CIMIP2A: variants seen among roughly 807,000 people sequenced by gnomAD.
The protein encoded by CIMIP2A is family with sequence similarity 166 member A.
the CIMIP2A span, chr9:137,252,897 T>G: frequency 2.5e-6 from 4 of 1,597,270 alleles, no homozygotes; most frequent in Non-Finnish European, 3.4e-6. Flanking sequence ...GGGAGCCGCC[T>G]GCAGAGCCCC....
chr9:137,249,763 A>C, the CIMIP2A span, among the ~76,000 whole-genome samples: 5 of 152,092 alleles, frequency 3.3e-5, no homozygotes, highest in East Asian at 1.9e-4. Context: ...TGGAAGCGCC[A>C]GCCCCTCCCC....
chr9:137,244,662 C>T, the CIMIP2A span: 1 of 1,613,916 alleles, frequency 6.2e-7, no homozygotes, highest in Non-Finnish European at 8.5e-7. Context: ...TCGAATTCGT[C>T]CATGGCTTGC....
chr9:137,253,321 C>T, the CIMIP2A span: 1 of 1,552,994 alleles, frequency 6.4e-7, no homozygotes, highest in Non-Finnish European at 8.7e-7. Context: ...CCCAGGCCTC[C>T]CCTGGGACTT....
the CIMIP2A span, chr9:137,253,015 A>C: frequency 7.3e-7 from 1 of 1,367,216 alleles, no homozygotes; most frequent in Non-Finnish European, 1.0e-6. Flanking sequence ...TGGGTGGGCA[A>C]TGTGAGGACA....
At chr9:137,247,753 C>T in the CIMIP2A span, 2 of 1,602,590 alleles carry the variant, frequency 1.2e-6, no homozygotes, top group Non-Finnish European at 8.5e-7. Context: ...CCAGTCCCTC[C>T]CGGCATCCAG....
At chr9:137,252,650 A>T in the CIMIP2A span, 1 of 1,535,126 alleles carries the variant, frequency 6.5e-7, no homozygotes, top group East Asian at 2.5e-5. Flanking sequence ...CCCGTCTCCT[A>T]CCCCCTCGCA....
chr9:137,244,925 G>A, the CIMIP2A span: 95 of 1,598,368 alleles, frequency 5.9e-5, no homozygotes, highest in South Asian at 1.0e-3. Flanking sequence ...GAAAAGCTGG[G>A]CTCCTGGAAG....
the CIMIP2A span, chr9:137,252,007 A>G: frequency 9.9e-6 from 16 of 1,611,020 alleles, no homozygotes; most frequent in Non-Finnish European, 1.4e-5. Context: ...CCAGTGCTGG[A>G]GCAACGCCCC....
At chr9:137,244,894 C>T in the CIMIP2A span, 3 of 1,577,566 alleles carry the variant, frequency 1.9e-6, no homozygotes, top group East Asian at 2.3e-5. Context: ...AACAGGCAGG[C>T]AAGGCACCGC....
the CIMIP2A span, among the ~76,000 whole-genome samples, chr9:137,255,008 G>A: frequency 2.6e-5 from 4 of 152,208 alleles, no homozygotes; most frequent in African/African-American, 9.6e-5. Flanking sequence ...CCGGCAAAAC[G>A]TCCCCGCTGC....
the CIMIP2A span, chr9:137,253,205 G>A: frequency 1.2e-6 from 2 of 1,608,998 alleles, no homozygotes; most frequent in Non-Finnish European, 1.7e-6. Context: ...GGTGTACGCA[G>A]ACCCAAGCGC....
At chr9:137,254,496 T>C in the CIMIP2A span, among the ~76,000 whole-genome samples, 1 of 152,176 alleles carries the variant, frequency 6.6e-6, no homozygotes, top group Admixed American at 6.5e-5. Flanking sequence ...CTCCTCCAGC[T>C]GGGCTGAGGA....
chr9:137,243,780 C>G, the CIMIP2A span: 11 of 1,614,006 alleles, frequency 6.8e-6, no homozygotes, highest in Non-Finnish European at 9.3e-6. Flanking sequence ...GCGTAGTTGT[C>G]CTGCATGGCT....
At chr9:137,253,214 G>A in the CIMIP2A span, 23 of 1,608,330 alleles carry the variant, frequency 1.4e-5, no homozygotes, top group South Asian at 1.1e-4. Context: ...AGACCCAAGC[G>A]CCACGACACA....
the CIMIP2A span, chr9:137,245,399 T>G: frequency 7.5e-5 from 121 of 1,613,554 alleles, no homozygotes; most frequent in Admixed American, 1.8e-4. Context: ...GAGTCTCCCT[T>G]CCTGCCTGGT....
the CIMIP2A span, chr9:137,253,446 A>G: frequency 7.0e-7 from 1 of 1,438,796 alleles, no homozygotes. Context: ...CCATCTGCCC[A>G]TCTCCCCGCT....
the CIMIP2A span, chr9:137,252,238 C>A: frequency 6.8e-7 from 1 of 1,474,168 alleles, no homozygotes; most frequent in East Asian, 2.3e-5. Context: ...GAGGGCCCCT[C>A]CACCCTTCCC....
At chr9:137,252,817 C>G in the CIMIP2A span, 1 of 1,567,974 alleles carries the variant, frequency 6.4e-7, no homozygotes, top group Non-Finnish European at 8.6e-7. Context: ...AGCCCCAGTC[C>G]CTGCTTCAGG....
the CIMIP2A span, among the ~76,000 whole-genome samples, chr9:137,249,016 TGG>T: frequency 4.0e-5 from 3 of 75,374 alleles, no homozygotes; most frequent in African/African-American, 7.4e-5. Flanking sequence ...CAGACTAATA[TGG>T]TTTTTTTTTT....
Sources: allele counts gnomAD v4.1 joint callset (sites outside exome capture counted in the v4.1 genomes callset), GRCh38; gene constraint gnomAD v4.1.1; transcripts MANE v1.5; gene names NCBI Gene and HGNC (gene_info 2026-07-23, HGNC 2026-07-21).